Variants in CCSER1 observed in about 807,000 individuals in gnomAD.
CCSER1 encodes serine-rich coiled-coil domain-containing protein 1.
A neutral mutation model predicts 82.0 loss-of-function variants in CCSER1; 41 were observed. The observed-to-expected ratio is 0.50, with a 90% CI of 0.39 to 0.65. The LOEUF is 0.65. Among genes scored for constraint, CCSER1 ranks in the 30% least tolerant of loss-of-function variants. The pLI is 0.00. For missense variants in CCSER1, 1,119 were observed against 1,064.2 expected (o/e 1.05, Z -0.72); for synonymous variants, 414 against 383.9 (o/e 1.08, Z -0.92).
At chr4:91,297,372 T>C (rs550596131) in intron 10 of CCSER1, among the ~76,000 whole-genome samples, 1 of 97,700 alleles carries the variant, frequency 1.0e-5, no homozygotes, top group African/African-American at 4.2e-5. Flanking sequence ...TGCTTGTGTG[T>C]GTGTGTGTGT....
At chr4:90,410,613 G>C (rs1380974137) in intron 4 of CCSER1, among the ~76,000 whole-genome samples, 1 of 152,044 alleles carries the variant, frequency 6.6e-6, no homozygotes, top group Non-Finnish European at 1.5e-5. Flanking sequence ...GAGCATCTCT[G>C]GGACACATTC....
intron 9 of CCSER1, among the ~76,000 whole-genome samples, chr4:91,021,665 A>C (rs1739980440): frequency 6.6e-6 from 1 of 152,158 alleles, no homozygotes; most frequent in Non-Finnish European, 1.5e-5. Context: ...TTATGTATTG[A>C]CCATCTACTA....
intron 1 of CCSER1, among the ~76,000 whole-genome samples, chr4:90,131,680 A>G (rs1722855042): frequency 6.6e-6 from 1 of 152,302 alleles, no homozygotes; most frequent in African/African-American, 2.4e-5. Context: ...ATGCAGCCAC[A>G]TAATAGTTAA....
intron 7 of CCSER1, among the ~76,000 whole-genome samples, chr4:90,808,293 A>G (rs993549912): frequency 2.6e-5 from 4 of 152,206 alleles, no homozygotes; most frequent in African/African-American, 9.6e-5. Context: ...AAATTATATT[A>G]GAAAACCTAA....
chr4:91,059,709 C>T (rs1377873431), intron 9 of CCSER1, among the ~76,000 whole-genome samples: 4 of 151,820 alleles, frequency 2.6e-5, no homozygotes, highest in African/African-American at 9.7e-5. Flanking sequence ...TTTTTGTGAC[C>T]ATGTGACCAC....
In CCSER1 at chr4:90,262,144, A is replaced by ATT. The variant is rs148383637; in HGVS notation, c.-41-46095_-41-46094dup. ...GATCCATTGCTAGGGAGCTTCTGTG[A>ATT]TTTTTTGGGGATATTAAAGAACCCT... is the stretch of plus-strand genomic sequence containing the variant. On this transcript the variant is annotated intron_variant, in intron 1 of 10. Transcript: ENST00000509176. Among the ~76,000 whole-genome samples, 308 of 151,840 alleles carry ATT rather than the reference A, an allele frequency of 2.0e-3. 2 individuals carry two copies. Among genetic ancestry groups the ATT allele is most frequent in the African/African-American group, 6.7e-3 (276 of 41,414 alleles).
chr4:90,469,568 T>C lies in CCSER1; in HGVS notation c.1724+1214T>C, dbSNP rs193076673. On this transcript the variant is annotated intron_variant, in intron 5 of 10. Coordinates refer to ENST00000509176, the MANE Select transcript of CCSER1 (RefSeq NM_001145065.2). ...ACACACACACACACACACACACACA[T>C]TTCCTTATCTTTTATTTAGGGTGAT... Among the ~76,000 whole-genome samples the C allele has an allele frequency of 6.8e-3, 762 of 112,474 alleles. 3 individuals are homozygous for C. Among genetic ancestry groups the C allele is most frequent in the South Asian group, 0.024 (93 of 3,802 alleles). 73.8% of individuals were successfully genotyped at this position (112,474 alleles called of 152,430 possible).
At chr4:90,215,465 G>A (rs1466266260) in intron 1 of CCSER1, among the ~76,000 whole-genome samples, 1 of 152,128 alleles carries the variant, frequency 6.6e-6, no homozygotes, top group Non-Finnish European at 1.5e-5. Flanking sequence ...ATAGTAGCAA[G>A]TTTAATGAGG....
intron 6 of CCSER1, among the ~76,000 whole-genome samples, chr4:90,719,262 C>T (rs938851291): frequency 2.6e-5 from 4 of 152,016 alleles, no homozygotes; most frequent in Admixed American, 6.6e-5. Context: ...TTTGAATGCT[C>T]CTTATGAGAT....
chr4:90,849,124 G>C (rs1763543492), intron 8 of CCSER1, among the ~76,000 whole-genome samples: 1 of 152,174 alleles, frequency 6.6e-6, no homozygotes, highest in Non-Finnish European at 1.5e-5. Flanking sequence ...ATTAACTTTG[G>C]AACTGGGTAA....
chr4:91,296,762 T>G (rs1245977388), intron 10 of CCSER1, among the ~76,000 whole-genome samples: 2 of 151,162 alleles, frequency 1.3e-5, no homozygotes, highest in Non-Finnish European at 3.0e-5. Flanking sequence ...TGTAAATCAC[T>G]GACAAGGTTA....
At chr4:91,380,709 G>A (rs1750819160) in intron 10 of CCSER1, among the ~76,000 whole-genome samples, 1 of 152,154 alleles carries the variant, frequency 6.6e-6, no homozygotes, top group African/African-American at 2.4e-5. Flanking sequence ...TGATTTGCCA[G>A]TGTGTGTCTT....
chr4:91,463,730 G>T (rs1071859), intron 10 of CCSER1, among the ~76,000 whole-genome samples: 2 of 152,170 alleles, frequency 1.3e-5, no homozygotes, highest in African/African-American at 4.8e-5. Context: ...AAGCTGATTC[G>T]ATCAATGGGA....
chr4:90,763,223 A>AG (rs1260065426), intron 7 of CCSER1, among the ~76,000 whole-genome samples: 1 of 151,966 alleles, frequency 6.6e-6, no homozygotes, highest in Non-Finnish European at 1.5e-5. Context: ...TACCAGAGAA[A>AG]GGGGCTTAGT....
intron 7 of CCSER1, among the ~76,000 whole-genome samples, chr4:90,762,266 C>G (rs1182712217): frequency 2.0e-5 from 3 of 152,102 alleles, no homozygotes; most frequent in Non-Finnish European, 4.4e-5. Flanking sequence ...GACACTTCTC[C>G]TTGCTGCTGC....
At chr4:90,459,835 A>G (rs938743816) in intron 4 of CCSER1, among the ~76,000 whole-genome samples, 17 of 152,228 alleles carry the variant, frequency 1.1e-4, no homozygotes, top group African/African-American at 4.1e-4. Flanking sequence ...ACCATTGGCT[A>G]TATCAGCTTA....
chr4:90,668,592 CA>C (rs1732227908), intron 6 of CCSER1, among the ~76,000 whole-genome samples: 1 of 151,930 alleles, frequency 6.6e-6, no homozygotes, highest in African/African-American at 2.4e-5. Flanking sequence ...AATGATTTGA[CA>C]AGGATATGAA....
intron 8 of CCSER1, among the ~76,000 whole-genome samples, chr4:90,888,845 T>C (rs540988462): frequency 2.0e-5 from 3 of 152,322 alleles, no homozygotes; most frequent in Admixed American, 1.3e-4. Flanking sequence ...TAACTCTATA[T>C]TGAGCAATTG....
At position 90,132,112 on chromosome 4, in the gene CCSER1, G is replaced by A. The variant is rs560908133; in HGVS notation, c.-42+4281G>A. Among the ~76,000 whole-genome samples, 36 of 152,294 alleles carry A rather than the reference G, an allele frequency of 2.4e-4. No homozygotes were observed. The South Asian group carries it at 7.1e-3, about 30-fold the overall frequency. On this transcript the variant is annotated intron_variant, in intron 1 of 10. Transcript: ENST00000509176. Reference sequence around the variant, plus strand: ...TTTTGTTGACAGTGAATAGATAAGAGTTATTACAAAAGTGAAAGCCTATTT... The same window carrying A: ...TTTTGTTGACAGTGAATAGATAAGAATTATTACAAAAGTGAAAGCCTATTT...
Sources: allele counts gnomAD v4.1 joint callset (sites outside exome capture counted in the v4.1 genomes callset), GRCh38; gene constraint gnomAD v4.1.1; transcripts MANE v1.5; gene names NCBI Gene and HGNC (gene_info 2026-07-23, HGNC 2026-07-21).